KDM4B: variants seen among roughly 807,000 people sequenced by gnomAD.
KDM4B encodes the protein lysine-specific demethylase 4B.
A neutral mutation model predicts 125.2 loss-of-function variants in KDM4B; 32 were observed. That is an observed-to-expected ratio of 0.26 (90% confidence interval 0.19 to 0.34). The LOEUF is 0.34. Ranked by LOEUF, KDM4B falls within the 10% of genes least tolerant of loss-of-function variation. The probability of loss-of-function intolerance (pLI) is 1.00; values close to 1 mark genes in which losing one functional copy is unlikely to be tolerated. For synonymous variants in KDM4B, 721 were observed against 677.9 expected (o/e 1.06, Z -0.99); for missense variants, 1,190 against 1,577.7 (o/e 0.75, Z 4.16).
chr19:5,005,315 C>T (rs757320056), intron 1 of KDM4B, among the ~76,000 whole-genome samples: 8 of 152,224 alleles, frequency 5.3e-5, no homozygotes, highest in Non-Finnish European at 1.2e-4. Flanking sequence ...CCAAACCGTC[C>T]TTCCCAGTGG....
chr19:5,109,576 T>C (rs1412195604), intron 9 of KDM4B, among the ~76,000 whole-genome samples: 2 of 152,146 alleles, frequency 1.3e-5, no homozygotes, highest in African/African-American at 4.8e-5. Flanking sequence ...CAAGGGGCCA[T>C]CCTATTGGGT....
intron 6 of KDM4B, among the ~76,000 whole-genome samples, chr19:5,061,137 G>T (rs998949635): frequency 1.3e-5 from 2 of 152,214 alleles, no homozygotes; most frequent in Non-Finnish European, 2.9e-5. Context: ...CATGGCCACC[G>T]TGCCAGGAAT....
At chr19:4,970,908 C>A (rs1047706807) in intron 1 of KDM4B, among the ~76,000 whole-genome samples, 4 of 152,014 alleles carry the variant, frequency 2.6e-5, no homozygotes, top group Non-Finnish European at 5.9e-5. Context: ...TCCGGGCGCT[C>A]CCCCTCCTTG....
intron 1 of KDM4B, among the ~76,000 whole-genome samples, chr19:4,969,477 C>T (rs2034168125): frequency 1.3e-5 from 2 of 148,334 alleles, no homozygotes; most frequent in African/African-American, 2.4e-5. Context: ...TGGCGGGGCG[C>T]GCCCAGGGGC....
rs1325171074 is a variant in KDM4B, at chr19:5,138,014, G to A, written c.2494G>A (p.Val832Met). Residue 832 changes from valine to methionine, a missense_variant, in exon 18 of 23, where the codon GTG (valine) becomes ATG (methionine). Transcript: ENST00000159111. ...AGTCCCCGAGGCGCGCTTCCTGAAC[G>A]TGATTGAGCGCCACCCTGTGGACAT... ...IAVPEARFLN[V>M]IERHPVDISA... 6 of 1,612,598 alleles carry A rather than the reference G, an allele frequency of 3.7e-6. No individual in the cohort carries two copies. Among genetic ancestry groups the A allele is most frequent in the Admixed American group, 1.7e-5 (1 of 59,974 alleles).
chr19:5,002,144 T>G (rs1289978616), intron 1 of KDM4B, among the ~76,000 whole-genome samples: 1 of 152,106 alleles, frequency 6.6e-6, no homozygotes. Context: ...ATTACAGGCG[T>G]GTGCCACCAT....
At chr19:5,038,205 C>T (rs1599472507) in intron 3 of KDM4B, among the ~76,000 whole-genome samples, 1 of 152,206 alleles carries the variant, frequency 6.6e-6, no homozygotes, top group African/African-American at 2.4e-5. Flanking sequence ...CAGTGCCCAC[C>T]CCAGGACTGG....
chr19:5,126,814 C>A (rs139036923), intron 11 of KDM4B, among the ~76,000 whole-genome samples: 2,089 of 152,342 alleles, frequency 0.014, 44 homozygotes, highest in African/African-American at 0.048. Flanking sequence ...GCCCCTGAGA[C>A]CGGGGCTGGT....
chr19:5,035,053 G>T lies in KDM4B; in HGVS notation c.141+2022G>T, dbSNP rs934166276. Among the ~76,000 whole-genome samples the T allele has an allele frequency of 6.6e-6, 1 of 152,180 alleles. No individual in the cohort carries two copies. The highest frequency in any genetic ancestry group is 1.5e-5 in the Non-Finnish European group (1 of 68,030). ...GGCACATCTGTGTCCGGGTCAGAAC[G>T]GTGGGGGCTGCTGCCGTCCCGGCTT... On this transcript the variant is annotated intron_variant, in intron 3 of 22. Coordinates refer to ENST00000159111, the MANE Select transcript of KDM4B (RefSeq NM_015015.3). The surrounding 1 kb of genome is among the most constrained non-coding windows in gnomAD (Gnocchi z 5.3).
intron 2 of KDM4B, 132 bp from the exon 3 acceptor site, chr19:5,032,734 G>C (rs996239454): frequency 2.2e-5 from 17 of 773,478 alleles, no homozygotes; most frequent in Non-Finnish European, 3.1e-5. Context: ...TCACTCAGCC[G>C]CGAGGGCCCA....
Position 5,025,258 on chromosome 19 carries a change from G to T in KDM4B, c.-25-7608G>T, listed in dbSNP as rs560485258. 3.9e-5 allele frequency among the ~76,000 whole-genome samples: 6 copies of T among 152,362 alleles called. No homozygotes were observed. In the South Asian group the frequency reaches 1.2e-3, roughly 32 times the overall value. ...GCACTTTGGGAGGCCGAGATGAGGG[G>T]ATCGCTAAGCCCAGGAGTTTGCCCT... On this transcript the variant is annotated intron_variant, in intron 2 of 22. Coordinates refer to ENST00000159111, the MANE Select transcript of KDM4B (RefSeq NM_015015.3).
chr19:4,983,780 AG>A (rs1424625341), intron 1 of KDM4B, among the ~76,000 whole-genome samples: 2 of 152,298 alleles, frequency 1.3e-5, no homozygotes, highest in East Asian at 3.9e-4. Context: ...GCGGCTTCAA[AG>A]GGCTTGAGCT....
chr19:5,029,228 C>T (rs535747967), intron 2 of KDM4B, among the ~76,000 whole-genome samples: 1 of 152,360 alleles, frequency 6.6e-6, no homozygotes, highest in South Asian at 2.1e-4. Flanking sequence ...CCCATTTTTA[C>T]TGGGCTGTTT....
rs901510967 is a variant in KDM4B at position 5,142,225 on chromosome 19, C to G, written c.2551-1742C>G. 2.0e-5 allele frequency among the ~76,000 whole-genome samples: 3 copies of G among 152,102 alleles called. No homozygotes were observed. Among genetic ancestry groups the G allele is most frequent in the South Asian group, 4.1e-4 (2 of 4,830 alleles). ...AGTGCCTGGGCCCTTCCAGGCCCCC[C>G]ACGGGCCGTAGACCCTGACTCCCCG... On this transcript the variant is annotated intron_variant, in intron 18 of 22. Coordinates refer to ENST00000159111, the MANE Select transcript of KDM4B (RefSeq NM_015015.3). This position sits in a 1 kb window ranked among gnomAD's most constrained non-coding sequence, Gnocchi z 5.4.
chr19:5,050,981 G>T lies in KDM4B; in HGVS notation c.626+3312G>T, dbSNP rs566289340. ...GGTTTAGCCGAGCTGACCCTCCAAG[G>T]CCGGTCCTGCGGCTGTTCCCCTCCA... On this transcript the variant is annotated intron_variant, in intron 6 of 22. Coordinates refer to ENST00000159111, the MANE Select transcript of KDM4B (RefSeq NM_015015.3). 5.5e-3 allele frequency among the ~76,000 whole-genome samples: 837 copies of T among 152,312 alleles called. 3 individuals carry two copies. The highest frequency in any genetic ancestry group is 7.8e-3 in the Admixed American group (120 of 15,308).
chr19:5,057,708 G>A (rs1003827778), intron 6 of KDM4B, among the ~76,000 whole-genome samples: 2 of 152,228 alleles, frequency 1.3e-5, no homozygotes, highest in African/African-American at 4.8e-5. Context: ...CTGCCCTGTG[G>A]GATCAGGAGG....
At chr19:5,023,263 C>T (rs60959430) in intron 2 of KDM4B, among the ~76,000 whole-genome samples, 1,841 of 152,330 alleles carry the variant, frequency 0.012, 51 homozygotes, top group African/African-American at 0.041. Flanking sequence ...AGAACGTTCT[C>T]GTGCCAAGGT....
chr19:5,137,685 C>A lies in KDM4B; in HGVS notation c.2441+9C>A. 6.3e-7 allele frequency: 1 copy of A among 1,577,486 alleles called. No homozygotes were observed. The highest frequency in any genetic ancestry group is 8.6e-7 in the Non-Finnish European group (1 of 1,164,906). On this transcript the variant is annotated intron_variant, in intron 17 of 22. Transcript: ENST00000159111. ...ATGACCACCGATAGGAGGTGGGTGG[C>A]ACCGCGCGTTGGGGCTGGAGGGCCG...
chr19:5,096,484 C>T (rs2038825577), intron 9 of KDM4B, among the ~76,000 whole-genome samples: 1 of 152,184 alleles, frequency 6.6e-6, no homozygotes, highest in South Asian at 2.1e-4. Flanking sequence ...TCTCCACGGG[C>T]TTGGGCAACC....
Sources: allele counts gnomAD v4.1 joint callset (sites outside exome capture counted in the v4.1 genomes callset), GRCh38; gene constraint gnomAD v4.1.1; non-coding constraint Gnocchi (gnomAD v3.1); transcripts MANE v1.5; gene names NCBI Gene and HGNC (gene_info 2026-07-23, HGNC 2026-07-21).